NKAIN2: variants seen among roughly 807,000 people sequenced by gnomAD.
The protein encoded by NKAIN2 is sodium/potassium transporting ATPase interacting 2, also known as sodium/potassium-transporting ATPase subunit beta-1-interacting protein 2.
In NKAIN2, 14 loss-of-function variants were observed where a neutral mutation model predicts 32.6. That is an observed-to-expected ratio of 0.43 (90% CI 0.28 to 0.67). The LOEUF is 0.67. NKAIN2 is among the 30% of genes least tolerant of loss of function. The pLI, the probability that NKAIN2 is intolerant of heterozygous loss-of-function variation, is 0.17. For missense variants in NKAIN2, 198 were observed against 258.3 expected, an observed-to-expected ratio of 0.77 and a Z score of 1.60; for synonymous variants, 80 against 87.2, an observed-to-expected ratio of 0.92 and a Z score of 0.46.
intron 1 of NKAIN2, among the ~76,000 whole-genome samples, chr6:123,806,203 T>G (rs1346205214): frequency 6.6e-6 from 1 of 152,118 alleles, no homozygotes; most frequent in Non-Finnish European, 1.5e-5. Context: ...AATTAAGTTC[T>G]CTAACAGAAT....
chr6:124,383,515 C>A (rs1772744359), intron 3 of NKAIN2, among the ~76,000 whole-genome samples: 1 of 152,164 alleles, frequency 6.6e-6, no homozygotes, highest in African/African-American at 2.4e-5. Flanking sequence ...CTCCTTGAAC[C>A]TATACCCCTG....
intron 4 of NKAIN2, among the ~76,000 whole-genome samples, chr6:124,746,137 C>A (rs145392406): frequency 6.6e-6 from 1 of 151,942 alleles, no homozygotes; most frequent in African/African-American, 2.4e-5. Context: ...ACAGGTCTGT[C>A]TCAGAGCCAT....
In NKAIN2 at chr6:124,292,068, A is replaced by T. The variant is rs532151489; in HGVS notation, c.192+8926A>T. On this transcript the variant is annotated intron_variant, in intron 2 of 6. Transcript: ENST00000368417. Reference sequence around the variant, plus strand: ...TGCTATCCCCAGGTAATTTCATTTAACAGTTATTTTATATTATAGTTTTTA... The same window carrying T: ...TGCTATCCCCAGGTAATTTCATTTATCAGTTATTTTATATTATAGTTTTTA... Among the ~76,000 whole-genome samples the T allele has an allele frequency of 3.8e-4, 58 of 152,240 alleles. 1 individual carries two copies. The South Asian group carries it at 0.011, about 30-fold the overall frequency.
At chr6:124,370,229 T>C (rs1230209518) in intron 3 of NKAIN2, among the ~76,000 whole-genome samples, 2 of 151,594 alleles carry the variant, frequency 1.3e-5, no homozygotes, top group Non-Finnish European at 2.9e-5. Context: ...GCTATTTAGC[T>C]CTCTTTCTTG....
At chr6:124,505,711 CTT>C (rs2114759157) in intron 3 of NKAIN2, among the ~76,000 whole-genome samples, 1 of 152,244 alleles carries the variant, frequency 6.6e-6, no homozygotes, top group South Asian at 2.1e-4. Flanking sequence ...TTTGGGTCCT[CTT>C]TTCATCCAGA....
intron 3 of NKAIN2, among the ~76,000 whole-genome samples, chr6:124,600,537 C>T (rs1455569856): frequency 6.6e-6 from 1 of 151,944 alleles, no homozygotes; most frequent in South Asian, 2.1e-4. Context: ...CTTCTTTATG[C>T]TTAGTTCTTT....
At chr6:124,053,439 T>C (rs1467805944) in intron 1 of NKAIN2, among the ~76,000 whole-genome samples, 1 of 152,110 alleles carries the variant, frequency 6.6e-6, no homozygotes, top group African/African-American at 2.4e-5. Context: ...AAACACCACC[T>C]GTCTTAAACC....
intron 1 of NKAIN2, among the ~76,000 whole-genome samples, chr6:123,991,787 A>G (rs917080990): frequency 3.4e-4 from 51 of 152,222 alleles, no homozygotes; most frequent in African/African-American, 1.2e-3. Context: ...GTGTGAACCC[A>G]GGAGGCGGAG....
chr6:124,030,183 C>T (rs1473094402), intron 1 of NKAIN2, among the ~76,000 whole-genome samples: 3 of 152,172 alleles, frequency 2.0e-5, no homozygotes, highest in Non-Finnish European at 4.4e-5. Flanking sequence ...ACTGATTCTA[C>T]ATTATGGTGA....
chr6:123,832,442 C>T (rs1281638229), intron 1 of NKAIN2, among the ~76,000 whole-genome samples: 2 of 152,154 alleles, frequency 1.3e-5, no homozygotes, highest in Admixed American at 6.5e-5. Context: ...CATCCATGAG[C>T]AGGTTTTTAT....
intron 3 of NKAIN2, among the ~76,000 whole-genome samples, chr6:124,393,171 G>A (rs1168024319): frequency 6.6e-6 from 1 of 152,100 alleles, no homozygotes; most frequent in African/African-American, 2.4e-5. Context: ...TCCAGGTTTA[G>A]TCTGAGTCTT....
intron 1 of NKAIN2, among the ~76,000 whole-genome samples, chr6:124,250,074 T>G (rs187064201): frequency 1.6e-4 from 25 of 152,256 alleles, no homozygotes; most frequent in Admixed American, 3.9e-4. Context: ...AGAGCCCTCC[T>G]GAATGGAATT....
intron 3 of NKAIN2, among the ~76,000 whole-genome samples, chr6:124,464,329 T>A (rs972299109): frequency 2.0e-5 from 3 of 152,096 alleles, no homozygotes; most frequent in Non-Finnish European, 4.4e-5. Flanking sequence ...CGAAGTAAGA[T>A]ATAATCTCCC....
chr6:124,718,665 T>C (rs1388547419), intron 4 of NKAIN2, among the ~76,000 whole-genome samples: 6 of 152,172 alleles, frequency 3.9e-5, no homozygotes, highest in Non-Finnish European at 5.9e-5. Flanking sequence ...AACCCCACCC[T>C]CACCACACTT....
At chr6:124,192,523 TG>T (rs1274716599) in intron 1 of NKAIN2, among the ~76,000 whole-genome samples, 1 of 152,182 alleles carries the variant, frequency 6.6e-6, no homozygotes, top group East Asian at 1.9e-4. Flanking sequence ...TGGTCTATTT[TG>T]GTGAATATTC....
chr6:124,376,446 A>T (rs566159290), intron 3 of NKAIN2, among the ~76,000 whole-genome samples: 1 of 152,292 alleles, frequency 6.6e-6, no homozygotes, highest in East Asian at 1.9e-4. Flanking sequence ...AAAATCTCAT[A>T]GTGTGAAATA....
intron 1 of NKAIN2, among the ~76,000 whole-genome samples, chr6:123,848,147 G>A (rs993683943): frequency 1.3e-5 from 2 of 152,174 alleles, no homozygotes; most frequent in African/African-American, 4.8e-5. Context: ...TACATTTACT[G>A]TTATCGTGTG....
At chr6:124,136,074 T>C (rs1362136962) in intron 1 of NKAIN2, among the ~76,000 whole-genome samples, 1 of 151,848 alleles carries the variant, frequency 6.6e-6, no homozygotes, top group East Asian at 1.9e-4. Flanking sequence ...ACACAAAAGA[T>C]AAATGAAACG....
At chr6:124,211,028 G>GGT (rs1242854386) in intron 1 of NKAIN2, among the ~76,000 whole-genome samples, 91 of 150,628 alleles carry the variant, frequency 6.0e-4, no homozygotes, top group African/African-American at 2.1e-3. Flanking sequence ...GATTTTAGAA[G>GGT]AAAGGCTTTC....
Sources: allele counts gnomAD v4.1 joint callset (sites outside exome capture counted in the v4.1 genomes callset), GRCh38; gene constraint gnomAD v4.1.1; transcripts MANE v1.5; gene names NCBI Gene and HGNC (gene_info 2026-07-23, HGNC 2026-07-21).